The following ATF6 variants were observed in gnomAD, a reference collection of about 807,000 sequenced individuals.
The protein encoded by ATF6 is activating transcription factor 6.
In ATF6, 53 loss-of-function variants were observed where a neutral mutation model predicts 83.6. The ratio of observed to expected loss-of-function variants is 0.63; its 90% CI spans 0.51 to 0.80. ATF6 has a LOEUF of 0.80. Among genes scored for constraint, ATF6 ranks in the 30% least tolerant of loss-of-function variants. ATF6 has a pLI of 0.00. For missense variants in ATF6, 744 were observed against 797.9 expected, an observed-to-expected ratio of 0.93 and a Z score of 0.81; for synonymous variants, 288 against 285.8, an observed-to-expected ratio of 1.01 and a Z score of -0.08.
At position 161,959,361 on chromosome 1, in the gene ATF6, G is replaced by A. The variant is rs994728530; in HGVS notation, c.*707G>A. 6.6e-6 allele frequency: 1 copy of A among 152,222 alleles called. No homozygotes were observed. Among genetic ancestry groups the A allele is most frequent in the African/African-American group, 2.4e-5 (1 of 41,438 alleles). The allele number at this position is 152,222 out of a possible 1,614,324, so 9.4% of individuals were successfully genotyped here. ...AAGGGCCAGTGGTGGGGTTTGGAGA[G>A]AGGAGATAGCTCCATTAATACACAT... On this transcript the variant is annotated 3_prime_UTR_variant, in exon 16 of 16. Transcript: ENST00000367942.
At chr1:161,882,633 T>C (rs979833920) in intron 14 of ATF6, among the ~76,000 whole-genome samples, 18 of 151,868 alleles carry the variant, frequency 1.2e-4, no homozygotes, top group African/African-American at 4.3e-4. Context: ...ATAAGAAAAA[T>C]AGTTTTTCCA....
intron 15 of ATF6, among the ~76,000 whole-genome samples, chr1:161,942,640 AATCCTT>A (rs1205290437): frequency 1.3e-5 from 2 of 152,208 alleles, no homozygotes; most frequent in African/African-American, 4.8e-5. Flanking sequence ...CATCATATTT[AATCCTT>A]AAGAACTTTG....
chr1:161,924,721 A>C (rs1488186247), intron 15 of ATF6, among the ~76,000 whole-genome samples: 1 of 152,200 alleles, frequency 6.6e-6, no homozygotes, highest in Non-Finnish European at 1.5e-5. Flanking sequence ...CCTAGGACCT[A>C]TCTCTTTCTT....
intron 7 of ATF6, among the ~76,000 whole-genome samples, chr1:161,812,847 A>AT: frequency 6.6e-6 from 1 of 150,588 alleles, no homozygotes; most frequent in South Asian, 2.1e-4. Context: ...CCATATTTGT[A>AT]TGGTACATTA....
intron 11 of ATF6, 24 bp from the exon 12 acceptor site, chr1:161,853,200 A>T: frequency 7.1e-7 from 1 of 1,410,966 alleles, no homozygotes; most frequent in Non-Finnish European, 9.8e-7. Flanking sequence ...TTCTATGTTT[A>T]ATTAATTAAA....
intron 15 of ATF6, among the ~76,000 whole-genome samples, chr1:161,921,995 CTGTTTGTT>C (rs4039613): frequency 6.6e-6 from 1 of 151,342 alleles, no homozygotes; most frequent in South Asian, 2.1e-4. Flanking sequence ...CTTGTTTTCC[CTGTTTGTT>C]TGTTTGTTTG....
chr1:161,857,815 G>C (rs75959317), intron 12 of ATF6, among the ~76,000 whole-genome samples: 2 of 151,924 alleles, frequency 1.3e-5, no homozygotes, highest in Non-Finnish European at 2.9e-5. Context: ...AAGAACACAA[G>C]GGGGGGAGGG....
intron 15 of ATF6, among the ~76,000 whole-genome samples, chr1:161,946,848 T>C (rs899652195): frequency 6.6e-6 from 1 of 152,242 alleles, no homozygotes; most frequent in Non-Finnish European, 1.5e-5. Context: ...ACTCCATCCC[T>C]GGCTGTTACC....
intron 15 of ATF6, among the ~76,000 whole-genome samples, chr1:161,944,456 T>C (rs1558035489): frequency 6.6e-6 from 1 of 152,238 alleles, no homozygotes; most frequent in Non-Finnish European, 1.5e-5. Context: ...ATGAAATGCC[T>C]GGTTTTCTTT....
At chr1:161,783,268 G>A (rs1007519467) in intron 3 of ATF6, among the ~76,000 whole-genome samples, 1 of 152,022 alleles carries the variant, frequency 6.6e-6, no homozygotes, top group African/African-American at 2.4e-5. Flanking sequence ...TTGGGGAGGG[G>A]AAATCGACTC....
intron 14 of ATF6, among the ~76,000 whole-genome samples, chr1:161,909,094 C>G (rs1415576929): frequency 6.6e-6 from 1 of 152,112 alleles, no homozygotes; most frequent in Non-Finnish European, 1.5e-5. Flanking sequence ...GACAGAAAAT[C>G]CAAAATAATA....
intron 3 of ATF6, 132 bp downstream of exon 3, chr1:161,782,131 C>CG (rs1684646209): frequency 1.7e-6 from 1 of 599,968 alleles, no homozygotes. Context: ...ATGCATTCTA[C>CG]TTCTGGTATG....
chr1:161,890,071 A>G (rs1426736262), intron 14 of ATF6, among the ~76,000 whole-genome samples: 1 of 152,230 alleles, frequency 6.6e-6, no homozygotes, highest in East Asian at 1.9e-4. Flanking sequence ...GTTAAATACT[A>G]CATTATATCA....
In ATF6 at chr1:161,958,432, A is replaced by G. The variant is rs1689011450; in HGVS notation, c.1805-14A>G. On this transcript the variant is annotated splice_polypyrimidine_tract_variant and intron_variant, in intron 15 of 15. Transcript: ENST00000367942. The stretch of plus-strand genomic sequence containing the variant: ...TGTTGAATATTTATTCTTTGTGTAT[A>G]TTCCTGTCTGCAGAGAATGTGATCA... 3 of 1,583,748 alleles carry G rather than the reference A, an allele frequency of 1.9e-6. No individual in the cohort carries two copies. Among genetic ancestry groups the G allele is most frequent in the South Asian group, 1.2e-5 (1 of 85,076 alleles).
intron 15 of ATF6, among the ~76,000 whole-genome samples, chr1:161,946,439 A>G (rs537278393): frequency 1.6e-4 from 25 of 152,210 alleles, no homozygotes; most frequent in Non-Finnish European, 3.2e-4. Flanking sequence ...AGTGCCACCT[A>G]TTAGGAATTG....
chr1:161,924,504 A>T (rs1251251552), intron 15 of ATF6, among the ~76,000 whole-genome samples: 1 of 152,238 alleles, frequency 6.6e-6, no homozygotes, highest in South Asian at 2.1e-4. Flanking sequence ...GGGGATCTTG[A>T]GTACATCAGA....
intron 9 of ATF6, among the ~76,000 whole-genome samples, chr1:161,846,056 C>T (rs1340385312): frequency 1.3e-5 from 2 of 152,092 alleles, no homozygotes; most frequent in Non-Finnish European, 2.9e-5. Flanking sequence ...AGTATTCTCT[C>T]ATTGAAAACA....
rs781003969 is a variant in ATF6, at chr1:161,821,119, T to C, written c.1145T>C (p.Met382Thr). 6.2e-7 allele frequency: 1 copy of C among 1,613,306 alleles called. No individual in the cohort carries two copies. Among genetic ancestry groups the C allele is most frequent in the South Asian group, 1.1e-5 (1 of 90,976 alleles). Reference sequence around the variant, plus strand: ...CCAAAGCGAAGAGTTGTCTGTGTGATGATAGTATTGGCATTTATAATACTG... The same window carrying C: ...CCAAAGCGAAGAGTTGTCTGTGTGACGATAGTATTGGCATTTATAATACTG... ...PSPKRRVVCV[M>T]IVLAFIILNY... Residue 382 changes from methionine to threonine, a missense_variant, in exon 9 of 16, where the codon ATG becomes ACG. Met to Thr is a moderately conservative substitution (Grantham distance 81). Transcript: ENST00000367942.
intron 9 of ATF6, among the ~76,000 whole-genome samples, chr1:161,833,471 A>G (rs553891182): frequency 6.7e-6 from 1 of 149,152 alleles, no homozygotes; most frequent in South Asian, 2.2e-4. Context: ...TAAAGGAGGA[A>G]GTTCGAACCA....
Sources: allele counts gnomAD v4.1 joint callset (sites outside exome capture counted in the v4.1 genomes callset), GRCh38; gene constraint gnomAD v4.1.1; transcripts MANE v1.5; gene names NCBI Gene and HGNC (gene_info 2026-07-23, HGNC 2026-07-21).